Variants in SMYD3 observed in about 807,000 individuals in gnomAD.
The protein encoded by SMYD3 is SET and MYND domain containing 3.
A neutral mutation model predicts 57.7 loss-of-function variants in SMYD3; 36 were observed. The observed-to-expected ratio is 0.62, with a 90% CI of 0.48 to 0.82. SMYD3 has a LOEUF of 0.82. Ranked by LOEUF, SMYD3 falls within the 40% of genes least tolerant of loss-of-function variation. The pLI is 0.00. For missense variants in SMYD3, 515 were observed against 538.8 expected (o/e 0.96, Z 0.44); for synonymous variants, 211 against 195.0 (o/e 1.08, Z -0.68).
intron 10 of SMYD3, among the ~76,000 whole-genome samples, chr1:245,797,599 C>T (rs1035315922): frequency 1.3e-5 from 2 of 151,620 alleles, no homozygotes; most frequent in Admixed American, 1.3e-4. Context: ...GGGTGCAGCA[C>T]ACCAACATGG....
At chr1:245,837,229 C>T (rs1217524016) in intron 10 of SMYD3, among the ~76,000 whole-genome samples, 1 of 145,280 alleles carries the variant, frequency 6.9e-6, no homozygotes, top group Admixed American at 6.9e-5. Flanking sequence ...CAGAGTGAGC[C>T]TCTGTCTCAA....
At chr1:246,239,640 G>C (rs1397672842) in intron 5 of SMYD3, among the ~76,000 whole-genome samples, 3 of 152,298 alleles carry the variant, frequency 2.0e-5, no homozygotes, top group Admixed American at 6.5e-5. Context: ...AGTATTTCTA[G>C]TTCTAGATCC....
intron 10 of SMYD3, among the ~76,000 whole-genome samples, chr1:245,810,099 C>A (rs935241684): frequency 1.6e-4 from 24 of 152,190 alleles, no homozygotes; most frequent in Admixed American, 1.4e-3. Flanking sequence ...CTTCCTGCTG[C>A]CTGGGCAGGA....
intron 5 of SMYD3, 119 bp downstream of exon 5, chr1:246,327,082 A>C (rs1450065062): frequency 1.7e-6 from 2 of 1,154,766 alleles, no homozygotes; most frequent in Non-Finnish European, 1.3e-6. Context: ...AGGAAGTAAT[A>C]TAAGGCATTA....
chr1:245,931,291 T>C (rs893023505), intron 5 of SMYD3, among the ~76,000 whole-genome samples: 1 of 152,158 alleles, frequency 6.6e-6, no homozygotes, highest in Non-Finnish European at 1.5e-5. Context: ...GCCCAGGTGA[T>C]AGACAATGGT....
intron 5 of SMYD3, among the ~76,000 whole-genome samples, chr1:246,112,002 T>C (rs1286652180): frequency 6.6e-6 from 1 of 152,200 alleles, no homozygotes; most frequent in Admixed American, 6.5e-5. Flanking sequence ...TTATCCTGGA[T>C]AGATGCATAC....
intron 1 of SMYD3, among the ~76,000 whole-genome samples, chr1:246,434,845 G>A (rs186807694): frequency 2.6e-5 from 4 of 152,264 alleles, no homozygotes; most frequent in Non-Finnish European, 4.4e-5. Context: ...ACACATGTAC[G>A]TATATGTTTG....
At chr1:245,751,562 GACAGAGAGAA>G (rs1212700757) in intron 11 of SMYD3, among the ~76,000 whole-genome samples, 25 of 149,450 alleles carry the variant, frequency 1.7e-4, no homozygotes, top group Admixed American at 5.3e-4. Context: ...GAGACAGAGA[GACAGAGAGAA>G]AGAGAAAGAG....
chr1:245,872,060 C>T (rs909186772), intron 8 of SMYD3, among the ~76,000 whole-genome samples: 19 of 152,224 alleles, frequency 1.2e-4, no homozygotes, highest in Non-Finnish European at 1.2e-4. Flanking sequence ...CAGCCTCTGA[C>T]ATCCACAGGC....
chr1:246,216,982 G>C (rs2063174961), intron 5 of SMYD3, among the ~76,000 whole-genome samples: 1 of 152,106 alleles, frequency 6.6e-6, no homozygotes, highest in African/African-American at 2.4e-5. Flanking sequence ...TATGCTGTGA[G>C]TTAGAATCAC....
chr1:245,842,276 C>T (rs980176297), intron 10 of SMYD3, among the ~76,000 whole-genome samples: 2 of 152,200 alleles, frequency 1.3e-5, no homozygotes, highest in Admixed American at 1.3e-4. Flanking sequence ...GCTACTAAAT[C>T]GTCATGGGTA....
chr1:246,296,362 C>T (rs1349104986), intron 5 of SMYD3, among the ~76,000 whole-genome samples: 1 of 152,176 alleles, frequency 6.6e-6, no homozygotes, highest in Non-Finnish European at 1.5e-5. Flanking sequence ...ACTGTATATG[C>T]ATGCTGAATG....
At chr1:246,266,302 C>T (rs917905346) in intron 5 of SMYD3, among the ~76,000 whole-genome samples, 3 of 152,082 alleles carry the variant, frequency 2.0e-5, no homozygotes, top group African/African-American at 7.2e-5. Flanking sequence ...TTTAATCGGG[C>T]AACTTTATAT....
intron 10 of SMYD3, among the ~76,000 whole-genome samples, chr1:245,780,962 T>C (rs1281447641): frequency 6.6e-6 from 1 of 152,174 alleles, no homozygotes; most frequent in African/African-American, 2.4e-5. Context: ...TGAATGAACC[T>C]TAGTAACATG....
At chr1:246,366,930 C>CAAAAAAAAAAAAAAAAAA (rs1269333583) in intron 1 of SMYD3, among the ~76,000 whole-genome samples, 1 of 58,616 alleles carries the variant, frequency 1.7e-5, no homozygotes, top group Non-Finnish European at 3.6e-5. Context: ...GACTCCATCT[C>CAAAAAAAAAAAAAAAAAA]AAAAAAAAAA....
At chr1:246,053,281 C>T (rs2060092224) in intron 5 of SMYD3, among the ~76,000 whole-genome samples, 2 of 151,982 alleles carry the variant, frequency 1.3e-5, no homozygotes, top group South Asian at 4.2e-4. Context: ...ATCTACATTT[C>T]ACACCATTTC....
chr1:246,408,762 C>A (rs1250247836), intron 1 of SMYD3, among the ~76,000 whole-genome samples: 2 of 148,808 alleles, frequency 1.3e-5, no homozygotes, highest in Non-Finnish European at 3.0e-5. Context: ...CTCTGCCTCC[C>A]AGGTTCATGC....
intron 8 of SMYD3, among the ~76,000 whole-genome samples, chr1:245,869,105 A>C (rs1283244448): frequency 6.6e-6 from 1 of 152,174 alleles, no homozygotes; most frequent in Non-Finnish European, 1.5e-5. Flanking sequence ...GAAAAAAAAA[A>C]TCTCTTTGAA....
At chr1:245,986,094 G>C (rs1196999601) in intron 5 of SMYD3, among the ~76,000 whole-genome samples, 2 of 152,174 alleles carry the variant, frequency 1.3e-5, no homozygotes, top group Admixed American at 1.3e-4. Context: ...AACATTTTAG[G>C]ATCGTTTTTA....
Sources: gnomAD v4.1 joint callset for allele counts (sites outside exome capture counted in the v4.1 genomes callset) on GRCh38, gnomAD v4.1.1 for gene constraint, MANE v1.5 for transcripts, NCBI Gene and HGNC (gene_info 2026-07-23, HGNC 2026-07-21) for gene names.